Variants in TBC1D1 observed in about 807,000 individuals in gnomAD.
TBC1D1 encodes TBC1 (tre-2/USP6, BUB2, cdc16) domain family, member 1.
In TBC1D1, 89 loss-of-function variants were observed where a neutral mutation model predicts 125.6. That is an observed-to-expected ratio of 0.71 (90% CI 0.60 to 0.85). The LOEUF is 0.85. TBC1D1 is among the 40% of genes least tolerant of loss of function. TBC1D1 has a pLI of 0.00. For missense variants in TBC1D1, 1,377 were observed against 1,469.2 expected, an observed-to-expected ratio of 0.94 and a Z score of 1.03; for synonymous variants, 565 against 564.1, an observed-to-expected ratio of 1.00 and a Z score of -0.02.
chr4:37,938,657 A>G (rs1724901374), intron 2 of TBC1D1, among the ~76,000 whole-genome samples: 2 of 152,070 alleles, frequency 1.3e-5, no homozygotes, highest in African/African-American at 4.8e-5. Context: ...CATTAGGTAT[A>G]TCTCCTAATG....
chr4:37,902,768 G>A (rs577848344), intron 2 of TBC1D1, among the ~76,000 whole-genome samples: 1 of 152,334 alleles, frequency 6.6e-6, no homozygotes, highest in East Asian at 1.9e-4. Flanking sequence ...CTAATTAAGA[G>A]CAGAAGTGTT....
chr4:37,937,149 T>TGA lies in TBC1D1; in HGVS notation c.417+34641_417+34642dup. Among the ~76,000 whole-genome samples, 2 of 152,350 alleles carry TGA rather than the reference T, an allele frequency of 1.3e-5. 1 individual carries two copies. Among genetic ancestry groups the TGA allele is most frequent in the South Asian group, 4.1e-4 (2 of 4,826 alleles). ...GGCACTGTCACCACTGCCCTCCTTG[T>TGA]GAGAGTCAGCTCTCACTGACCCTGT... On this transcript the variant is annotated intron_variant, in intron 2 of 19. Coordinates refer to ENST00000261439, the MANE Select transcript of TBC1D1 (RefSeq NM_015173.4).
In TBC1D1 at chr4:37,995,576, A is replaced by G; in HGVS notation, c.418-18933A>G. The G allele has an allele frequency of 2.3e-6, 1 of 443,734 alleles. No individual in the cohort carries two copies. The highest frequency in any genetic ancestry group is 4.4e-6 in the Non-Finnish European group (1 of 227,052). The allele number at this position is 443,734 out of a possible 1,614,324, so 27.5% of individuals were successfully genotyped here. A position where few individuals can be genotyped will look rare whatever the true frequency, so the allele number is the denominator to read the frequency against. ...CTGATGATATGATAAAGCTCAGCAC[A>G]GAAGGCCTTCAGGTCCAGTACCCTG... On this transcript the variant is annotated intron_variant, in intron 2 of 19. Transcript: ENST00000261439. This position sits in a 1 kb window ranked among gnomAD's most constrained non-coding sequence, Gnocchi z 4.3.
chr4:38,025,662 TC>T (rs1744932804), intron 6 of TBC1D1, among the ~76,000 whole-genome samples: 1 of 152,194 alleles, frequency 6.6e-6, no homozygotes, highest in Non-Finnish European at 1.5e-5. Flanking sequence ...ATATCGTTTT[TC>T]CAAAATATGA....
intron 2 of TBC1D1, among the ~76,000 whole-genome samples, chr4:37,924,412 T>C (rs1721649524): frequency 6.6e-6 from 1 of 152,226 alleles, no homozygotes; most frequent in South Asian, 2.1e-4. Context: ...TTAACCATTT[T>C]TAGGTGTGCA....
At chr4:38,104,061 G>A (rs912634050) in intron 15 of TBC1D1, among the ~76,000 whole-genome samples, 6 of 150,852 alleles carry the variant, frequency 4.0e-5, no homozygotes, top group Middle Eastern at 3.4e-3. Flanking sequence ...GCAGGAGGCC[G>A]AGGCAGGAGA....
intron 2 of TBC1D1, among the ~76,000 whole-genome samples, chr4:37,963,544 T>C (rs1730468177): frequency 6.6e-6 from 1 of 152,126 alleles, no homozygotes; most frequent in Admixed American, 6.5e-5. Context: ...CCCCAGCTAC[T>C]CACTGAGGAG....
intron 2 of TBC1D1, among the ~76,000 whole-genome samples, chr4:37,975,464 C>T (rs116517270): frequency 0.015 from 2,359 of 152,258 alleles, 66 homozygotes; most frequent in African/African-American, 0.053. Context: ...GTCAGGCCGT[C>T]CACAAGAGGT....
chr4:38,023,420 G>A (rs1744469022), intron 6 of TBC1D1, among the ~76,000 whole-genome samples: 2 of 152,094 alleles, frequency 1.3e-5, no homozygotes, highest in Admixed American at 6.6e-5. Flanking sequence ...CATTCACATT[G>A]TTGTACAGTC....
intron 14 of TBC1D1, among the ~76,000 whole-genome samples, chr4:38,097,625 A>G (rs1453581985): frequency 6.6e-6 from 1 of 152,048 alleles, no homozygotes; most frequent in Non-Finnish European, 1.5e-5. Context: ...TACAGGTGTG[A>G]GCCACCGTGC....
At chr4:38,084,525 G>A (rs1282706628) in intron 12 of TBC1D1, among the ~76,000 whole-genome samples, 1 of 152,204 alleles carries the variant, frequency 6.6e-6, no homozygotes, top group Non-Finnish European at 1.5e-5. Context: ...TAAACAATAT[G>A]ACAACATTAA....
chr4:38,065,732 A>G (rs182099755), intron 12 of TBC1D1, among the ~76,000 whole-genome samples: 8 of 142,062 alleles, frequency 5.6e-5, no homozygotes, highest in Admixed American at 1.5e-4. Context: ...TGCAACCTCT[A>G]CCTCCCAGGT....
chr4:38,077,677 A>G (rs1755835781), intron 12 of TBC1D1, among the ~76,000 whole-genome samples: 1 of 145,734 alleles, frequency 6.9e-6, no homozygotes, highest in African/African-American at 2.6e-5. Flanking sequence ...CTGATTTTAC[A>G]TTAAAAGCCT....
intron 2 of TBC1D1, among the ~76,000 whole-genome samples, chr4:37,920,455 G>A (rs1357688797): frequency 6.6e-6 from 1 of 152,196 alleles, no homozygotes; most frequent in Non-Finnish European, 1.5e-5. Flanking sequence ...CAGAAAAGAG[G>A]AGGGAGAATG....
chr4:38,059,053 T>C (rs187364827), intron 12 of TBC1D1, among the ~76,000 whole-genome samples: 68 of 152,352 alleles, frequency 4.5e-4, no homozygotes, highest in Admixed American at 1.4e-3. Context: ...GTGACTGTTT[T>C]CTATGCACAA....
chr4:37,921,555 C>T (rs1476308925), intron 2 of TBC1D1, among the ~76,000 whole-genome samples: 3 of 151,458 alleles, frequency 2.0e-5, no homozygotes, highest in East Asian at 2.0e-4. Context: ...TGCAGACACG[C>T]GCCACCATGC....
At chr4:38,047,276 T>C (rs774999108) in intron 10 of TBC1D1, among the ~76,000 whole-genome samples, 4 of 152,190 alleles carry the variant, frequency 2.6e-5, no homozygotes, top group Non-Finnish European at 5.9e-5. Flanking sequence ...GCCATTCTCT[T>C]GCCTCAGCCT....
At chr4:37,958,907 C>T (rs7683553) in intron 2 of TBC1D1, among the ~76,000 whole-genome samples, 95,567 of 152,056 alleles carry the variant, frequency 0.63, 30,889 homozygotes, top group East Asian at 0.96. Context: ...CCAGTCTCCC[C>T]GTTCCCCATT....
chr4:37,910,830 T>A (rs1577805481), intron 2 of TBC1D1, among the ~76,000 whole-genome samples: 2 of 152,110 alleles, frequency 1.3e-5, no homozygotes, highest in East Asian at 3.8e-4. Context: ...GATAGATGCT[T>A]GAGGTGATGG....
Sources: allele counts gnomAD v4.1 joint callset (sites outside exome capture counted in the v4.1 genomes callset), GRCh38; gene constraint gnomAD v4.1.1; non-coding constraint Gnocchi (gnomAD v3.1); transcripts MANE v1.5; gene names NCBI Gene and HGNC (gene_info 2026-07-23, HGNC 2026-07-21).